The following WDR13 variants were observed in gnomAD, a reference collection of about 807,000 sequenced individuals.
WDR13 encodes the protein WD repeat domain 13, also known as WD repeat-containing protein 13.
In WDR13, 1 loss-of-function variant was observed where a neutral mutation model predicts 28.6. That is an observed-to-expected ratio of 0.03 (90% confidence interval 0.01 to 0.17). WDR13 has a LOEUF of 0.17. WDR13 is among the 10% of genes least tolerant of loss of function. The pLI is 1.00. For synonymous variants in WDR13, 201 were observed against 185.9 expected, an observed-to-expected ratio of 1.08 and a Z score of -0.66; for missense variants, 264 against 469.3, an observed-to-expected ratio of 0.56 and a Z score of 4.04.
rs1179769784 is a variant in WDR13 at position 48,598,344 on chromosome X, T to C, written c.41+307T>C. 106 of 1,012,428 alleles carry C rather than the reference T, an allele frequency of 1.0e-4. 1 individual carries two copies. The African/African-American group carries it at 1.7e-3, about 17-fold the overall frequency. The allele number at this position is 1,012,428 out of a possible 1,213,427, so 83.4% of individuals were successfully genotyped here. On this transcript the variant is annotated intron_variant, in intron 2 of 9. Transcript: ENST00000376729. ...GGTGTCCCCTAGACTTTTTTTTTTT[T>C]ACATCATCACTTCCCCATTCTGACC...
rs1477850235 is a variant in WDR13, at chrX:48,608,252, T to C, written c.*3220T>C. ...GGTCCTGCTGCCTCATCCTCCAAAG[T>C]AGCTGGGACCACAGACATGCACCAC... On this transcript the variant is annotated 3_prime_UTR_variant, in exon 10 of 10. Transcript: ENST00000376729. 9.1e-6 allele frequency: 1 copy of C among 109,587 alleles called. No individual in the cohort carries two copies. The allele number at this position is 109,587 out of a possible 1,213,427, so 9.0% of individuals were successfully genotyped here.
rs1458621826 is a variant in WDR13 at position 48,607,619 on chromosome X, CA to C, written c.*2588del. 2 of 109,516 alleles carry C rather than the reference CA, an allele frequency of 1.8e-5. No homozygotes were observed. Among genetic ancestry groups the C allele is most frequent in the Admixed American group, 2.0e-4 (2 of 10,097 alleles). The allele number at this position is 109,516 out of a possible 1,213,427, so 9.0% of individuals were successfully genotyped here. On this transcript the variant is annotated 3_prime_UTR_variant, in exon 10 of 10. Coordinates refer to ENST00000376729, the MANE Select transcript of WDR13 (RefSeq NM_001347217.2). ...CTGACCTCAAGTGATCCTCCCACCT[CA>C]GCCTCCCAAACTGCTGGGATTACAG...
At position 48,598,769 on chromosome X, in the gene WDR13, C is replaced by T. The variant is rs782376192; in HGVS notation, c.94C>T (p.Arg32Cys). Reference sequence around the variant, plus strand: ...TCCACAGTTTCGGACGCAGTATATCCGCCGGCGCAGCCAGCTGCTGCGGGA... The same window carrying T: ...TCCACAGTTTCGGACGCAGTATATCTGCCGGCGCAGCCAGCTGCTGCGGGA... ...TFPQFRTQYIRRRSQLLRENA... is the reference protein window; with the variant it reads ...TFPQFRTQYICRRSQLLRENA... The change falls in exon 3 of 10, where the codon CGC (arginine) becomes TGC (cysteine). Residue 32 changes from arginine to cysteine, a missense_variant. Arg to Cys is a radical substitution (Grantham distance 180). This residue lies in a region of WDR13 where 15 missense variants were observed against 48.2 expected (regional missense o/e 0.31). Transcript: ENST00000376729. 2.5e-6 allele frequency: 3 copies of T among 1,207,301 alleles called. No homozygotes were observed. The highest frequency in any genetic ancestry group is 1.1e-6 in the Non-Finnish European group (1 of 892,962).
Position 48,605,181 on chromosome X carries a change from A to G in WDR13, c.*149A>G. Reference sequence around the variant, plus strand: ...GAGGGCAGCGGGCAGCTCCAGGAACACGGTGGAACGGGGTTCATTGACTCA... The same window carrying G: ...GAGGGCAGCGGGCAGCTCCAGGAACGCGGTGGAACGGGGTTCATTGACTCA... On this transcript the variant is annotated 3_prime_UTR_variant, in exon 10 of 10. Transcript: ENST00000376729. 1 of 635,637 alleles carries G rather than the reference A, an allele frequency of 1.6e-6. No individual in the cohort carries two copies. The highest frequency in any genetic ancestry group is 3.9e-5 in the Admixed American group (1 of 25,719). The allele number at this position is 635,637 out of a possible 1,213,427, so 52.4% of individuals were successfully genotyped here.
Position 48,606,684 on chromosome X carries a change from C to T in WDR13, c.*1652C>T. 1 of 112,180 alleles carries T rather than the reference C, an allele frequency of 8.9e-6. No homozygotes were observed. The highest frequency in any genetic ancestry group is 1.9e-5 in the Non-Finnish European group (1 of 53,210). The allele number at this position is 112,180 out of a possible 1,213,427, so 9.2% of individuals were successfully genotyped here. A position where few individuals can be genotyped will look rare whatever the true frequency, so the allele number is the denominator to read the frequency against. On this transcript the variant is annotated 3_prime_UTR_variant, in exon 10 of 10. Transcript: ENST00000376729. ...CGTCACCAGAAAATGTCAAAGTTAC[C>T]TGAAGCAGCAAAGAGGCTCTTGCTC...
intron 2 of WDR13, 83 bp downstream of exon 2, chrX:48,598,120 C>G (rs2062155411): frequency 8.7e-7 from 1 of 1,151,826 alleles, no homozygotes; most frequent in African/African-American, 1.8e-5. Flanking sequence ...GGGCGGAGAA[C>G]TTGCCTTATG....
In WDR13 at chrX:48,599,448, C is replaced by A; in HGVS notation, c.378C>A (p.Ala126=). 1 of 1,209,422 alleles carries A rather than the reference C, an allele frequency of 8.3e-7. No homozygotes were observed. The highest frequency in any genetic ancestry group is 1.1e-6 in the Non-Finnish European group (1 of 893,910). ...SYQLQAQMNR[A]VYEDRPPGSV... ...AGCTGCAGGCGCAGATGAACCGTGC[C>A]GTCTATGAGGACAGGTATGCACCAG... Residue 126 remains alanine, a synonymous_variant, in exon 4 of 10, where the codon GCC becomes GCA. Transcript: ENST00000376729.
chrX:48,604,833 C>G lies in WDR13; in HGVS notation c.1274-15C>G. On this transcript the variant is annotated splice_polypyrimidine_tract_variant and intron_variant, in intron 9 of 9. Coordinates refer to ENST00000376729, the MANE Select transcript of WDR13 (RefSeq NM_001347217.2). ...CCAGGCGCCTCCCGATGGCCTCTCC[C>G]TCTCACCCCGACAGTGACGGGCAGT... is the stretch of plus-strand genomic sequence containing the variant. 1 of 1,199,404 alleles carries G rather than the reference C, an allele frequency of 8.3e-7. No homozygotes were observed. Among genetic ancestry groups the G allele is most frequent in the Non-Finnish European group, 1.1e-6 (1 of 885,822 alleles).
At chrX:48,602,306 G>GAGCAGTAGTAGCAGT (rs2062192430) in intron 8 of WDR13, 100 bp downstream of exon 8, 3 of 954,490 alleles carry the variant, frequency 3.1e-6, no homozygotes, top group Non-Finnish European at 4.4e-6. Flanking sequence ...TTAATTGAGG[G>GAGCAGTAGTAGCAGT]AGCAGTAGTA....
intron 2 of WDR13, 70 bp from the exon 3 acceptor site, chrX:48,598,647 C>T: frequency 4.3e-5 from 10 of 232,610 alleles, no homozygotes; most frequent in African/African-American, 6.2e-5. Flanking sequence ...TCCTGCCGTA[C>T]CCCCCCCCCC....
intron 8 of WDR13, 34 bp from the exon 9 acceptor site, chrX:48,604,238 G>C: frequency 8.5e-7 from 1 of 1,177,199 alleles, no homozygotes. Context: ...CTAGGGCTGG[G>C]GCTGTGTTTT....
rs2147232402 is a variant in WDR13 at position 48,607,467 on chromosome X, A to C, written c.*2435A>C. 2.1e-5 allele frequency: 2 copies of C among 97,501 alleles called. No individual in the cohort carries two copies. The highest frequency in any genetic ancestry group is 7.5e-5 in the African/African-American group (2 of 26,800). 8.0% of individuals were successfully genotyped at this position (97,501 alleles called of 1,213,427 possible). ...ACTGCAGCCTCCACCTCCTGGGTTC[A>C]AGCGATCCTCGGGCCTCAGCTTCCC... On this transcript the variant is annotated 3_prime_UTR_variant, in exon 10 of 10. Transcript: ENST00000376729.
chrX:48,604,048 A>G, intron 8 of WDR13: 1 of 370,900 alleles, frequency 2.7e-6, no homozygotes, highest in East Asian at 4.5e-5. Context: ...CTGAGGCGGG[A>G]GGATCACTTG....
At chrX:48,600,978 T>C (rs782346682) in intron 6 of WDR13, among the ~76,000 whole-genome samples, 91 of 111,458 alleles carry the variant, frequency 8.2e-4, no homozygotes, top group African/African-American at 2.7e-3. Context: ...GCCTATAGTC[T>C]CAGCTACTTG....
At chrX:48,601,486 T>A (rs2062185453) in intron 6 of WDR13, among the ~76,000 whole-genome samples, 1 of 111,947 alleles carries the variant, frequency 8.9e-6, no homozygotes, top group Non-Finnish European at 1.9e-5. Context: ...AAAGCTGGGA[T>A]CACAGGCCTA....
chrX:48,599,767 G>T, intron 5 of WDR13, 50 bp downstream of exon 5: 1 of 1,202,220 alleles, frequency 8.3e-7, no homozygotes, highest in South Asian at 1.8e-5. Context: ...CCCAAACTGT[G>T]ACAACCAACC....
Position 48,607,488 on chromosome X carries a change from T to C in WDR13, c.*2456T>C, listed in dbSNP as rs1221488360. On this transcript the variant is annotated 3_prime_UTR_variant, in exon 10 of 10. Coordinates refer to ENST00000376729, the MANE Select transcript of WDR13 (RefSeq NM_001347217.2). ...GTTCAAGCGATCCTCGGGCCTCAGC[T>C]TCCCGAATAGCTGGAACTACAGGCG... 1 of 103,343 alleles carries C rather than the reference T, an allele frequency of 9.7e-6. No individual in the cohort carries two copies. Among genetic ancestry groups the C allele is most frequent in the Non-Finnish European group, 2.0e-5 (1 of 51,044 alleles). 8.5% of individuals were successfully genotyped at this position (103,343 alleles called of 1,213,427 possible).
At position 48,604,596 on chromosome X, in the gene WDR13, C is replaced by T. The variant is rs113228402; in HGVS notation, c.1273+206C>T. ...TTGCACTTGATCTCGGCCAAAAGGC[C>T]GAGAAGTGATGAAAACTCACACTTT... On this transcript the variant is annotated intron_variant, in intron 9 of 9. Coordinates refer to ENST00000376729, the MANE Select transcript of WDR13 (RefSeq NM_001347217.2). Among the ~76,000 whole-genome samples the T allele has an allele frequency of 3.0e-4, 34 of 112,677 alleles. No homozygotes were observed. In the South Asian group the frequency reaches 9.8e-3, roughly 32 times the overall value.
rs1556996034 is a variant in WDR13 at position 48,606,420 on chromosome X, G to A, written c.*1388G>A. ...GAGGTGTTGAGTCCTGGAGCCCCAA[G>A]CTGGTGCAGGAGCAACGGGAAGTTA... On this transcript the variant is annotated 3_prime_UTR_variant, in exon 10 of 10. Transcript: ENST00000376729. The A allele has an allele frequency of 9.0e-6, 1 of 111,105 alleles. No homozygotes were observed. Among genetic ancestry groups the A allele is most frequent in the Non-Finnish European group, 1.9e-5 (1 of 52,994 alleles). The allele number at this position is 111,105 out of a possible 1,213,427, so 9.2% of individuals were successfully genotyped here. A position where few individuals can be genotyped will look rare whatever the true frequency, so the allele number is the denominator to read the frequency against.
Sources: gnomAD v4.1 joint callset for allele counts (sites outside exome capture counted in the v4.1 genomes callset) on GRCh38, gnomAD v4.1.1 for gene constraint, gnomAD v4.1.1 regional missense constraint, MANE v1.5 for transcripts, NCBI Gene and HGNC (gene_info 2026-07-23, HGNC 2026-07-21) for gene names.